AMER1: variants seen among roughly 807,000 people sequenced by gnomAD.
The protein encoded by AMER1 is APC membrane recruitment protein 1, also known as RP11-403E24.2.
In AMER1, 16 loss-of-function variants were observed where a neutral mutation model predicts 53.0. That is an observed-to-expected ratio of 0.30 (90% CI 0.20 to 0.46). AMER1 has a LOEUF of 0.46. AMER1 is among the 20% of genes least tolerant of loss of function. AMER1 has a pLI of 1.00. For missense variants in AMER1, 947 were observed against 884.9 expected (o/e 1.07, Z -0.89); for synonymous variants, 354 against 331.9 (o/e 1.07, Z -0.73).
In AMER1 at chrX:64,186,154, T is replaced by C; in HGVS notation, c.*3725A>G. On this transcript the variant is annotated 3_prime_UTR_variant, in exon 2 of 2. Transcript: ENST00000374869. ...ACACGCCTGAGTCACTTGGCGTTTG[T>C]CTTCAGTACCTGGGCATCTTCTGCT... 2 of 1,210,714 alleles carry C rather than the reference T, an allele frequency of 1.7e-6. No individual in the cohort carries two copies. Among genetic ancestry groups the C allele is most frequent in the East Asian group, 3.0e-5 (1 of 33,791 alleles).
At chrX:64,202,929 C>T (rs767345425) in intron 1 of AMER1, among the ~76,000 whole-genome samples, 6 of 111,679 alleles carry the variant, frequency 5.4e-5, no homozygotes, top group Admixed American at 9.5e-5. Flanking sequence ...ATCACTGAGC[C>T]TCAATCTCTT....
chrX:64,187,534 G>A lies in AMER1; in HGVS notation c.*2345C>T. 1 of 780,971 alleles carries A rather than the reference G, an allele frequency of 1.3e-6. No homozygotes were observed. Among genetic ancestry groups the A allele is most frequent in the Non-Finnish European group, 1.5e-6 (1 of 654,884 alleles). 64.4% of individuals were successfully genotyped at this position (780,971 alleles called of 1,213,427 possible). A position where few individuals can be genotyped will look rare whatever the true frequency, so the allele number is the denominator to read the frequency against. On this transcript the variant is annotated 3_prime_UTR_variant, in exon 2 of 2. Transcript: ENST00000374869. ...GCTCTCAGCCCTTAGCCAAAGGTTGGCCACCTCCTTTTTCTCTTCCCAGAT... is the reference window on the plus strand; with the variant it reads ...GCTCTCAGCCCTTAGCCAAAGGTTGACCACCTCCTTTTTCTCTTCCCAGAT...
rs1569191088 is a variant in AMER1, at chrX:64,189,530, A to ATG, written c.*348_*349insCA. On this transcript the variant is annotated 3_prime_UTR_variant, in exon 2 of 2. Coordinates refer to ENST00000374869, the MANE Select transcript of AMER1 (RefSeq NM_152424.4). ...TGTGTGTGTGTATATATATATATATATATATATATATATATATATATATAT... is the reference window on the plus strand; with the variant it reads ...TGTGTGTGTGTATATATATATATATATGTATATATATATATATATATATATAT... 15 of 89,266 alleles carry ATG rather than the reference A, an allele frequency of 1.7e-4. No individual in the cohort carries two copies. In the African/African-American group the frequency reaches 1.9e-3, roughly 11 times the overall value. The allele number at this position is 89,266 out of a possible 1,213,427, so 7.4% of individuals were successfully genotyped here.
In AMER1 at chrX:64,189,794, C is replaced by CGGGGGCG; in HGVS notation, c.*84_*85insCGCCCCC. On this transcript the variant is annotated 3_prime_UTR_variant, in exon 2 of 2. Coordinates refer to ENST00000374869, the MANE Select transcript of AMER1 (RefSeq NM_152424.4). ...AAAGGGTTTTCAAGTTAAACAACAA[C>CGGGGGCG]CCCCACCCCCCCACCCTTCTGCCCA... 3.0e-5 allele frequency: 9 copies of CGGGGGCG among 301,632 alleles called. No individual in the cohort carries two copies. Among genetic ancestry groups the CGGGGGCG allele is most frequent in the Non-Finnish European group, 3.4e-5 (8 of 232,714 alleles). The allele number at this position is 301,632 out of a possible 1,213,427, so 24.9% of individuals were successfully genotyped here.
Position 64,191,234 on chromosome X carries a change from A to T in AMER1, c.2053T>A (p.Phe685Ile). The T allele has an allele frequency of 8.3e-7, 1 of 1,211,551 alleles. No individual in the cohort carries two copies. The highest frequency in any genetic ancestry group is 1.1e-6 in the Non-Finnish European group (1 of 895,436). ...GGCTCGCTGCTTGCAGTGGTGGGGA[A>T]AGCTGAGGTAATTCCCCGGTGGGAA... ...QISHRGITSAFPTTASSEPDW... is the reference protein window; with the variant it reads ...QISHRGITSAIPTTASSEPDW... Residue 685 changes from phenylalanine (F) to isoleucine (I), a missense_variant, in exon 2 of 2, where the codon TTC becomes ATC. Transcript: ENST00000374869.
chrX:64,193,521 TC>T, intron 1 of AMER1, 137 bp from the exon 2 acceptor site: 1 of 468,685 alleles, frequency 2.1e-6, no homozygotes, highest in Non-Finnish European at 3.6e-6. Flanking sequence ...CAAATCTTAA[TC>T]CACTCGATAT....
In AMER1 at chrX:64,193,349, T is replaced by A. The variant is rs1421653962; in HGVS notation, c.-63A>T. 2 of 1,203,979 alleles carry A rather than the reference T, an allele frequency of 1.7e-6. No individual in the cohort carries two copies. The highest frequency in any genetic ancestry group is 2.2e-6 in the Non-Finnish European group (2 of 891,926). On this transcript the variant is annotated 5_prime_UTR_variant, in exon 2 of 2. It removes the in-frame stop codon of an upstream open reading frame in the 5' UTR. Coordinates refer to ENST00000374869, the MANE Select transcript of AMER1 (RefSeq NM_152424.4). ...GCAGCCTCAGGCTTCCAGGCACTGT[T>A]ATAACATTATCAGTCAGGAAGCATC...
In AMER1 at chrX:64,188,320, C is replaced by T; in HGVS notation, c.*1559G>A. 1.2e-6 allele frequency: 1 copy of T among 801,316 alleles called. No homozygotes were observed. The highest frequency in any genetic ancestry group is 1.5e-6 in the Non-Finnish European group (1 of 668,077). The allele number at this position is 801,316 out of a possible 1,213,427, so 66.0% of individuals were successfully genotyped here. On this transcript the variant is annotated 3_prime_UTR_variant, in exon 2 of 2. Transcript: ENST00000374869. Reference sequence around the variant, plus strand: ...TTCCAATAAAGACATGTAAAAGGAACCCTCTCCTACAGGTGATTAATGAGA... The same window carrying T: ...TTCCAATAAAGACATGTAAAAGGAATCCTCTCCTACAGGTGATTAATGAGA...
Position 64,187,808 on chromosome X carries a change from T to C in AMER1, c.*2071A>G. 1 of 777,082 alleles carries C rather than the reference T, an allele frequency of 1.3e-6. No homozygotes were observed. 64.0% of individuals were successfully genotyped at this position (777,082 alleles called of 1,213,427 possible). On this transcript the variant is annotated 3_prime_UTR_variant, in exon 2 of 2. Transcript: ENST00000374869. The stretch of plus-strand genomic sequence containing the variant: ...CAGAAAGTTGGAATTTGGGCACTTC[T>C]CTCTTGGAATGCTGTGCTTGGGGTA...
Position 64,189,793 on chromosome X carries a change from A to AGGGGGGCCCCCCCCCCCCCCCCCCCCCC in AMER1, c.*85_*86insGGGGGGGGGGGGGGGGGGGGGGCCCCCC. The AGGGGGGCCCCCCCCCCCCCCCCCCCCCC allele has an allele frequency of 3.4e-6, 1 of 292,072 alleles. No homozygotes were observed. The allele number at this position is 292,072 out of a possible 1,213,427, so 24.1% of individuals were successfully genotyped here. On this transcript the variant is annotated 3_prime_UTR_variant, in exon 2 of 2. Coordinates refer to ENST00000374869, the MANE Select transcript of AMER1 (RefSeq NM_152424.4). ...CAAAGGGTTTTCAAGTTAAACAACA[A>AGGGGGGCCCCCCCCCCCCCCCCCCCCCC]CCCCCACCCCCCCACCCTTCTGCCC...
chrX:64,205,434 C>G (rs1453707028), intron 1 of AMER1, 136 bp downstream of exon 1: 2 of 110,140 alleles, frequency 1.8e-5, no homozygotes, highest in East Asian at 6.0e-4. Context: ...AAGCGGGTTC[C>G]AAAGGAGAGG....
rs1930159878 is a variant in AMER1, at chrX:64,188,799, C to A, written c.*1080G>T. On this transcript the variant is annotated 3_prime_UTR_variant, in exon 2 of 2. Transcript: ENST00000374869. The stretch of plus-strand genomic sequence containing the variant: ...TCATTTTCTATCTTTCCCCTACACT[C>A]CACAAAAACCCCAGCCCCTATAGTC... The A allele has an allele frequency of 2.5e-6, 2 of 803,215 alleles. No homozygotes were observed. Among genetic ancestry groups the A allele is most frequent in the Non-Finnish European group, 3.0e-6 (2 of 670,429 alleles). The allele number at this position is 803,215 out of a possible 1,213,427, so 66.2% of individuals were successfully genotyped here.
rs1313285235 is a variant in AMER1 at position 64,190,063 on chromosome X, G to A, written c.3224C>T (p.Ala1075Val). 1.7e-6 allele frequency: 2 copies of A among 1,204,463 alleles called. No individual in the cohort carries two copies. Among genetic ancestry groups the A allele is most frequent in the Admixed American group, 4.4e-5 (2 of 45,318 alleles). Residue 1075 changes from alanine (A) to valine (V), a missense_variant, in exon 2 of 2, where the codon GCC becomes GTC. By Grantham distance (64) the Ala-to-Val change is moderately conservative. Transcript: ENST00000374869. ...GGFSPSPLPQ[A>V]KPVGITHGIP... ...GCCATGGGTGATGCCCACAGGCTTG[G>A]CCTGTGGTAGAGGGCTGGGGCTGAA...
intron 1 of AMER1, among the ~76,000 whole-genome samples, chrX:64,195,138 T>C (rs1930340086): frequency 9.0e-6 from 1 of 111,434 alleles, no homozygotes; most frequent in South Asian, 3.8e-4. Flanking sequence ...AGTCCCACAA[T>C]AGACAGTGCC....
At chrX:64,199,163 C>G (rs2147093902) in intron 1 of AMER1, among the ~76,000 whole-genome samples, 1 of 112,287 alleles carries the variant, frequency 8.9e-6, no homozygotes, top group South Asian at 3.7e-4. Flanking sequence ...AGCAAGACCC[C>G]AAATTGGGAC....
At chrX:64,200,041 C>T (rs1458517479) in intron 1 of AMER1, among the ~76,000 whole-genome samples, 3 of 112,786 alleles carry the variant, frequency 2.7e-5, no homozygotes, top group Non-Finnish European at 5.6e-5. Context: ...CCTCCTCAGG[C>T]TCTTGAGGTC....
In AMER1 at chrX:64,189,879, C is replaced by T. The variant is rs372461050; in HGVS notation, c.3408G>A (p.Ter1136=). Residue 1136 remains the stop codon, a stop_retained_variant, in exon 2 of 2, where the codon TAG becomes TAA. Transcript: ENST00000374869. Reference sequence around the variant, plus strand: ...GTCCCTACTCCAGAATTGATAATAACTACTTGGCTAGGTTTCCATTCATGG... The same window carrying T: ...GTCCCTACTCCAGAATTGATAATAATTACTTGGCTAGGTTTCCATTCATGG... The part of the protein sequence containing the change: ...STAMNGNLAK[*] The T allele has an allele frequency of 1.1e-3, 1,156 of 1,006,779 alleles. No individual in the cohort carries two copies. Among genetic ancestry groups the T allele is most frequent in the Non-Finnish European group, 1.4e-3 (1,094 of 774,928 alleles). The allele number at this position is 1,006,779 out of a possible 1,213,427, so 83.0% of individuals were successfully genotyped here.
In AMER1 at chrX:64,186,947, T is replaced by C; in HGVS notation, c.*2932A>G. 3 of 775,238 alleles carry C rather than the reference T, an allele frequency of 3.9e-6. No homozygotes were observed. Among genetic ancestry groups the C allele is most frequent in the Non-Finnish European group, 4.6e-6 (3 of 651,342 alleles). The allele number at this position is 775,238 out of a possible 1,213,427, so 63.9% of individuals were successfully genotyped here. On this transcript the variant is annotated 3_prime_UTR_variant, in exon 2 of 2. Transcript: ENST00000374869. ...TATTGGGTAATAAGATGAAGGCAGCTACTTCCACTAAGTCCCATTTTCCCT... is the reference window on the plus strand; with the variant it reads ...TATTGGGTAATAAGATGAAGGCAGCCACTTCCACTAAGTCCCATTTTCCCT...
rs2147084021 is a variant in AMER1, at chrX:64,189,973, G to T, written c.3314C>A (p.Ser1105Tyr). 8.3e-7 allele frequency: 1 copy of T among 1,207,614 alleles called. No homozygotes were observed. The highest frequency in any genetic ancestry group is 1.7e-5 in the African/African-American group (1 of 57,721). Residue 1105 changes from serine to tyrosine, a missense_variant, in exon 2 of 2, where the codon TCC becomes TAC. Physicochemically the swap from Ser to Tyr is moderately radical, Grantham distance 144. Coordinates refer to ENST00000374869, the MANE Select transcript of AMER1 (RefSeq NM_152424.4). ...PQPQPTHYGP[S>Y]SLDLSKERAE... ...CCTCTCCTTTGACAGGTCAAGGCTG[G>T]AAGGCCCATAGTGAGTGGGCTGAGG...
Sources: allele counts gnomAD v4.1 joint callset (sites outside exome capture counted in the v4.1 genomes callset), GRCh38; gene constraint gnomAD v4.1.1; transcripts MANE v1.5; gene names NCBI Gene and HGNC (gene_info 2026-07-23, HGNC 2026-07-21).